Variants in EXD2 observed in about 807,000 individuals in gnomAD.
EXD2 encodes the protein exonuclease 3'-5' domain containing 2.
EXD2 carries 40 observed loss-of-function variants against 62.5 expected under a neutral mutation model. The observed-to-expected ratio is 0.64, with a 90% confidence interval of 0.50 to 0.83. EXD2 has a LOEUF of 0.83. EXD2 is among the 40% of genes least tolerant of loss of function. The probability of loss-of-function intolerance (pLI) is 0.00; values close to 1 mark genes in which losing one functional copy is unlikely to be tolerated. For synonymous variants in EXD2, 239 were observed against 291.9 expected, an observed-to-expected ratio of 0.82 and a Z score of 1.85; for missense variants, 671 against 761.8, an observed-to-expected ratio of 0.88 and a Z score of 1.40.
chr14:69,203,044 AC>A (rs1181738946), intron 1 of EXD2, among the ~76,000 whole-genome samples: 1 of 152,034 alleles, frequency 6.6e-6, no homozygotes, highest in Non-Finnish European at 1.5e-5. Context: ...CATCAGTTAG[AC>A]CGTGTCTCAA....
At chr14:69,208,677 T>C (rs1366803716) in intron 2 of EXD2, among the ~76,000 whole-genome samples, 1 of 152,268 alleles carries the variant, frequency 6.6e-6, no homozygotes, top group Non-Finnish European at 1.5e-5. Flanking sequence ...GCTTCATTGA[T>C]TTACATTAAC....
intron 1 of EXD2, among the ~76,000 whole-genome samples, chr14:69,198,833 A>AT (rs2042294301): frequency 6.6e-6 from 1 of 152,354 alleles, no homozygotes; most frequent in Non-Finnish European, 1.5e-5. Flanking sequence ...CTCCTAGGCT[A>AT]TAGACCTATA....
chr14:69,212,602 G>C (rs1179956007), intron 3 of EXD2, among the ~76,000 whole-genome samples: 1 of 149,116 alleles, frequency 6.7e-6, no homozygotes, highest in Non-Finnish European at 1.5e-5. Context: ...ACTGAACCTC[G>C]AACTCATGGG....
In EXD2 at chr14:69,242,928, A is replaced by AAACAAGGG. The variant is rs1480282196; in HGVS notation, c.*1830_*1837dup. 6.6e-6 allele frequency: 1 copy of AAACAAGGG among 152,216 alleles called. No individual in the cohort carries two copies. 9.4% of individuals were successfully genotyped at this position (152,216 alleles called of 1,614,324 possible). ...CTTTGCAAGAAAAATTTTTCCTTTG[A>AAACAAGGG]AACAAGGGAGTAGGGCTGTTTCATT... On this transcript the variant is annotated 3_prime_UTR_variant, in exon 10 of 10. Transcript: ENST00000685843.
intron 9 of EXD2, among the ~76,000 whole-genome samples, chr14:69,240,272 T>C (rs2043937469): frequency 6.6e-6 from 1 of 152,074 alleles, no homozygotes; most frequent in South Asian, 2.1e-4. Flanking sequence ...CTCTGCTTAG[T>C]TAGGAAGGAG....
intron 2 of EXD2, among the ~76,000 whole-genome samples, chr14:69,207,972 G>C (rs116838524): frequency 0.013 from 1,980 of 150,018 alleles, 42 homozygotes; most frequent in African/African-American, 0.047. Context: ...AGTTTCGGCT[G>C]ACTGAAACCT....
At chr14:69,230,402 T>C in intron 4 of EXD2, 70 bp from the exon 5 acceptor site, 30 of 1,017,362 alleles carry the variant, frequency 2.9e-5, no homozygotes, top group Non-Finnish European at 4.2e-5. Flanking sequence ...GCCATTTATA[T>C]GTCTTTTTTG....
At chr14:69,200,709 C>CA (rs34362953) in intron 1 of EXD2, among the ~76,000 whole-genome samples, 8 of 145,854 alleles carry the variant, frequency 5.5e-5, no homozygotes, top group Non-Finnish European at 7.6e-5. Flanking sequence ...ACCTTGTCTC[C>CA]AAAAAAAAAA....
At chr14:69,196,833 G>A (rs113672079) in intron 1 of EXD2, among the ~76,000 whole-genome samples, 10,927 of 151,600 alleles carry the variant, frequency 0.072, 537 homozygotes, top group Non-Finnish European at 0.1. Flanking sequence ...ATGTTGCCCA[G>A]GCTAGTCTCA....
In EXD2 at chr14:69,243,217, A is replaced by T. The variant is rs1249728320; in HGVS notation, c.*2117A>T. 3 of 152,238 alleles carry T rather than the reference A, an allele frequency of 2.0e-5. No homozygotes were observed. The highest frequency in any genetic ancestry group is 4.4e-5 in the Non-Finnish European group (3 of 68,040). 9.4% of individuals were successfully genotyped at this position (152,238 alleles called of 1,614,324 possible). A position where few individuals can be genotyped will look rare whatever the true frequency, so the allele number is the denominator to read the frequency against. On this transcript the variant is annotated 3_prime_UTR_variant, in exon 10 of 10. Transcript: ENST00000685843. ...CTAAGACTGACAATTGTCGTCTTAA[A>T]TCAGAGATTTGAGGGTAGACTTATT...
chr14:69,220,276 T>G (rs2043134966), intron 3 of EXD2, among the ~76,000 whole-genome samples: 1 of 108,406 alleles, frequency 9.2e-6, no homozygotes, highest in Non-Finnish European at 1.9e-5. Context: ...TTTTTTTTTT[T>G]TTTTTTTTTT....
At chr14:69,226,723 A>G (rs994057500) in intron 3 of EXD2, among the ~76,000 whole-genome samples, 1 of 151,328 alleles carries the variant, frequency 6.6e-6, no homozygotes, top group Non-Finnish European at 1.5e-5. Flanking sequence ...ACTCCAGCCT[A>G]GGCAACAGAG....
chr14:69,243,500 C>A lies in EXD2; in HGVS notation c.*2400C>A, dbSNP rs1213288271. On this transcript the variant is annotated 3_prime_UTR_variant, in exon 10 of 10. Transcript: ENST00000685843. ...ATTAACATGGTATCACGAGTAACTT[C>A]CTATGTTTTTAAATCTTTGAAAATA... 1.3e-5 allele frequency: 2 copies of A among 152,180 alleles called. No homozygotes were observed. The highest frequency in any genetic ancestry group is 3.8e-4 in the East Asian group (2 of 5,208). The allele number at this position is 152,180 out of a possible 1,614,324, so 9.4% of individuals were successfully genotyped here.
intron 3 of EXD2, among the ~76,000 whole-genome samples, chr14:69,217,325 G>A (rs1008538467): frequency 6.6e-6 from 1 of 152,178 alleles, no homozygotes. Flanking sequence ...GAGTAGCTGG[G>A]ATTATGGGAG....
Position 69,209,557 on chromosome 14 carries a change from G to A in EXD2, c.87G>A (p.Gln29=), listed in dbSNP as rs2140235367. The change falls in exon 3 of 10, where the codon CAG becomes CAA. Residue 29 remains glutamine, a synonymous_variant. Transcript: ENST00000685843. The part of the protein sequence containing the change: ...VGGFVLWKGI[Q]RRRRSKTSPV... ...GGTTTGTCCTCTGGAAAGGCATCCA[G>A]CGCCGCCGAAGGAGTAAAACGAGTC... 5.8e-6 allele frequency: 9 copies of A among 1,550,586 alleles called. No homozygotes were observed. In the African/African-American group the frequency reaches 6.8e-5, roughly 12 times the overall value.
At chr14:69,224,070 T>C (rs898733471) in intron 3 of EXD2, 6 of 152,108 alleles carry the variant, frequency 3.9e-5, no homozygotes, top group African/African-American at 1.5e-4. Flanking sequence ...GGTTTTACTC[T>C]GTCACCTAGG....
At chr14:69,229,186 A>G in intron 4 of EXD2, 114 bp downstream of exon 4, 1 of 1,361,228 alleles carries the variant, frequency 7.3e-7, no homozygotes, top group Non-Finnish European at 9.9e-7. Context: ...AGGAGCCTAG[A>G]GGCTTCTAAG....
chr14:69,192,376 G>A (rs796108988), intron 1 of EXD2, among the ~76,000 whole-genome samples: 74 of 152,286 alleles, frequency 4.9e-4, no homozygotes, highest in African/African-American at 1.7e-3. Flanking sequence ...GTGCGGGTTG[G>A]GGCGCAGCGG....
At chr14:69,216,768 A>G (rs1223536644) in intron 3 of EXD2, among the ~76,000 whole-genome samples, 1 of 152,194 alleles carries the variant, frequency 6.6e-6, no homozygotes, top group African/African-American at 2.4e-5. Flanking sequence ...TTTTATGCAT[A>G]TATACATTGC....
Sources: gnomAD v4.1 joint callset for allele counts (sites outside exome capture counted in the v4.1 genomes callset) on GRCh38, gnomAD v4.1.1 for gene constraint, MANE v1.5 for transcripts, NCBI Gene and HGNC (gene_info 2026-07-23, HGNC 2026-07-21) for gene names.